Variants in MGA observed in about 807,000 individuals in gnomAD.
The protein encoded by MGA is MAX gene-associated protein.
Under a neutral mutation model 261.1 loss-of-function variants are expected in MGA, and 40 were observed. The observed-to-expected ratio is 0.15, with a 90% CI of 0.12 to 0.20. The LOEUF (loss-of-function observed/expected upper bound fraction) is 0.20. Ranked by LOEUF, MGA falls within the 10% of genes least tolerant of loss-of-function variation. MGA has a pLI of 1.00. For synonymous variants in MGA, 1,302 were observed against 1,290.6 expected (o/e 1.01, Z -0.19); for missense variants, 3,397 against 3,630.5 (o/e 0.94, Z 1.65).
intron 1 of MGA, among the ~76,000 whole-genome samples, chr15:41,621,860 C>T (rs1381835047): frequency 6.6e-6 from 1 of 152,186 alleles, no homozygotes; most frequent in Non-Finnish European, 1.5e-5. Context: ...TTTCGAAGCG[C>T]GTGTGCGGCC....
intron 1 of MGA, among the ~76,000 whole-genome samples, chr15:41,662,067 G>C (rs1399731975): frequency 6.6e-6 from 1 of 152,164 alleles, no homozygotes; most frequent in Non-Finnish European, 1.5e-5. Flanking sequence ...GGAAGGCAGT[G>C]AGACCGAGCC....
At chr15:41,756,045 T>A (rs1436204431) in intron 18 of MGA, among the ~76,000 whole-genome samples, 1 of 152,118 alleles carries the variant, frequency 6.6e-6, no homozygotes, top group Non-Finnish European at 1.5e-5. Flanking sequence ...TTTAATTAGA[T>A]TTGTTTAAAT....
chr15:41,676,573 T>C (rs1251513626), intron 2 of MGA, among the ~76,000 whole-genome samples: 1 of 152,348 alleles, frequency 6.6e-6, no homozygotes, highest in East Asian at 1.9e-4. Flanking sequence ...CTCAACATTG[T>C]ACATTCTATG....
At chr15:41,751,475 G>T (rs2062828558) in intron 17 of MGA, 1 of 152,130 alleles carries the variant, frequency 6.6e-6, no homozygotes, top group African/African-American at 2.4e-5. Flanking sequence ...CATAATCCCA[G>T]CACTTTGGGA....
At chr15:41,641,931 G>T (rs2056830077) in intron 1 of MGA, among the ~76,000 whole-genome samples, 1 of 152,060 alleles carries the variant, frequency 6.6e-6, no homozygotes, top group African/African-American at 2.4e-5. Flanking sequence ...AAGTAGCTGG[G>T]ACTACAGGTG....
chr15:41,643,220 ATTTAT>A (rs950957908), intron 1 of MGA, among the ~76,000 whole-genome samples: 2 of 132,662 alleles, frequency 1.5e-5, no homozygotes, highest in African/African-American at 2.7e-5. Context: ...TTTTTTTTTA[ATTTAT>A]TTTATTTTAT....
chr15:41,671,694 A>T (rs1343548643), intron 2 of MGA, among the ~76,000 whole-genome samples: 1 of 152,150 alleles, frequency 6.6e-6, no homozygotes, highest in Non-Finnish European at 1.5e-5. Context: ...CTGCACACAA[A>T]TTTCCTTTAC....
intron 9 of MGA, among the ~76,000 whole-genome samples, chr15:41,720,849 A>G (rs1302819928): frequency 6.6e-6 from 1 of 152,116 alleles, no homozygotes; most frequent in African/African-American, 2.4e-5. Flanking sequence ...ATAAAATAAT[A>G]CTGTAAACAG....
chr15:41,757,713 T>C (rs1439686397), intron 18 of MGA, 75 bp from the exon 19 acceptor site: 3 of 1,199,450 alleles, frequency 2.5e-6, no homozygotes, highest in East Asian at 4.7e-5. Context: ...TTTGGAATGG[T>C]TTGGTTGTAG....
intron 1 of MGA, among the ~76,000 whole-genome samples, chr15:41,647,137 G>A (rs924538612): frequency 3.3e-5 from 5 of 152,104 alleles, no homozygotes; most frequent in Non-Finnish European, 5.9e-5. Flanking sequence ...TACACCCCTC[G>A]GAAAATTGAT....
At position 41,729,146 on chromosome 15, in the gene MGA, G is replaced by A. The variant is rs997481866; in HGVS notation, c.3658-18G>A. ...TTTTTCCCACTGTATGGAATATTTT[G>A]TTGTATGAAATTTACAGATTCGGGA... On this transcript the variant is annotated intron_variant, in intron 10 of 23. Transcript: ENST00000219905. 1.9e-6 allele frequency: 3 copies of A among 1,609,340 alleles called. No homozygotes were observed. The highest frequency in any genetic ancestry group is 2.5e-6 in the Non-Finnish European group (3 of 1,177,390).
At chr15:41,677,698 T>C (rs2058459105) in intron 2 of MGA, among the ~76,000 whole-genome samples, 1 of 152,226 alleles carries the variant, frequency 6.6e-6, no homozygotes, top group South Asian at 2.1e-4. Flanking sequence ...TAACATGTTA[T>C]GATAGGCATT....
At chr15:41,757,396 T>C (rs1207333590) in intron 18 of MGA, among the ~76,000 whole-genome samples, 5 of 152,196 alleles carry the variant, frequency 3.3e-5, no homozygotes, top group African/African-American at 9.7e-5. Context: ...CTAGGTGTTA[T>C]AAGTAATGTA....
At chr15:41,655,178 C>CTT (rs35648576) in intron 1 of MGA, among the ~76,000 whole-genome samples, 3 of 129,646 alleles carry the variant, frequency 2.3e-5, no homozygotes, top group Admixed American at 7.7e-5. Context: ...TTTTAATTTA[C>CTT]TTTTTTTTTT....
At chr15:41,680,667 C>T (rs1323433782) in intron 2 of MGA, among the ~76,000 whole-genome samples, 4 of 152,316 alleles carry the variant, frequency 2.6e-5, no homozygotes, top group East Asian at 3.9e-4. Flanking sequence ...CCTAATGAGA[C>T]GTAAAGAACA....
At chr15:41,685,790 C>T (rs547564073) in intron 2 of MGA, among the ~76,000 whole-genome samples, 95 of 151,340 alleles carry the variant, frequency 6.3e-4, no homozygotes, top group Non-Finnish European at 1.2e-3. Context: ...ATCATGAGGT[C>T]AGGAGATGGA....
chr15:41,764,677 G>T (rs1032129460), intron 22 of MGA, among the ~76,000 whole-genome samples: 2 of 151,990 alleles, frequency 1.3e-5, no homozygotes, highest in Non-Finnish European at 2.9e-5. Flanking sequence ...GGGACCACAG[G>T]TGCACACCAC....
intron 7 of MGA, among the ~76,000 whole-genome samples, chr15:41,709,786 C>CT (rs59998889): frequency 0.047 from 6,388 of 135,264 alleles, 413 homozygotes; most frequent in African/African-American, 0.15. Context: ...GCTTTAATTT[C>CT]TTTTTTTTTT....
Position 41,710,808 on chromosome 15 carries a change from C to G in MGA, c.2543C>G (p.Ala848Gly), listed in dbSNP as rs532680103. 4 of 1,613,938 alleles carry G rather than the reference C, an allele frequency of 2.5e-6. No individual in the cohort carries two copies. The highest frequency in any genetic ancestry group is 2.5e-6 in the Non-Finnish European group (3 of 1,179,850). ...ACAAGCATGGGTTTTTCTTCTAATG[C>G]TCCCACATCTCCTGTGGTGTACCAG... The change falls in exon 8 of 24, where the codon GCT (alanine) becomes GGT (glycine). Residue 848 changes from alanine to glycine, a missense_variant. Physicochemically the swap from Ala to Gly is moderately conservative, Grantham distance 60 (BLOSUM62 0). Coordinates refer to ENST00000219905, the MANE Select transcript of MGA (RefSeq NM_001164273.2).
Sources: allele counts gnomAD v4.1 joint callset (sites outside exome capture counted in the v4.1 genomes callset), GRCh38; gene constraint gnomAD v4.1.1; transcripts MANE v1.5; gene names NCBI Gene and HGNC (gene_info 2026-07-23, HGNC 2026-07-21).